GALNT17: variants seen among roughly 807,000 people sequenced by gnomAD.
GALNT17 encodes polypeptide N-acetylgalactosaminyltransferase 17, also known as UDP-GalNAc:polypeptide N-acetylgalactosaminyltransferase-like 3.
A neutral mutation model predicts 63.7 loss-of-function variants in GALNT17; 29 were observed. The ratio of observed to expected loss-of-function variants is 0.46; its 90% confidence interval spans 0.34 to 0.62. GALNT17 has a LOEUF of 0.62. Among genes scored for constraint, GALNT17 ranks in the 20% least tolerant of loss-of-function variants. GALNT17 has a pLI of 0.01. For synonymous variants in GALNT17, 305 were observed against 318.3 expected (o/e 0.96, Z 0.45); for missense variants, 603 against 799.6 (o/e 0.75, Z 2.97).
At chr7:71,610,697 C>A (rs1369830846) in intron 6 of GALNT17, among the ~76,000 whole-genome samples, 2 of 151,984 alleles carry the variant, frequency 1.3e-5, no homozygotes, top group South Asian at 2.1e-4. Flanking sequence ...CAGGAATATT[C>A]AATCTCCATC....
chr7:71,258,531 C>T (rs560003319), intron 1 of GALNT17, among the ~76,000 whole-genome samples: 1 of 152,286 alleles, frequency 6.6e-6, no homozygotes, highest in South Asian at 2.1e-4. Context: ...TGTGTCCATC[C>T]CCAAGAAGTT....
chr7:71,339,350 CTTGT>C (rs1163168428), intron 2 of GALNT17, among the ~76,000 whole-genome samples: 4 of 152,120 alleles, frequency 2.6e-5, no homozygotes, highest in African/African-American at 9.7e-5. Context: ...GAGAAAGTTT[CTTGT>C]TTGAGATAAT....
Position 71,380,037 on chromosome 7 carries a change from C to G in GALNT17, c.423-8198C>G, listed in dbSNP as rs956965449. Among the ~76,000 whole-genome samples the G allele has an allele frequency of 2.0e-5, 3 of 151,936 alleles. No homozygotes were observed. In the South Asian group the frequency reaches 6.2e-4, roughly 32 times the overall value. On this transcript the variant is annotated intron_variant, in intron 2 of 10. Transcript: ENST00000333538. Reference sequence around the variant, plus strand: ...GGAGGAATATTGAGTGTCCAGGATCCGAGAGGAAATAGCGATTATACAAGG... The same window carrying G: ...GGAGGAATATTGAGTGTCCAGGATCGGAGAGGAAATAGCGATTATACAAGG...
intron 1 of GALNT17, among the ~76,000 whole-genome samples, chr7:71,250,091 C>A (rs973107684): frequency 2.6e-5 from 4 of 152,154 alleles, no homozygotes; most frequent in Non-Finnish European, 5.9e-5. Flanking sequence ...AGAAACATTT[C>A]CAAACATCCA....
intron 5 of GALNT17, among the ~76,000 whole-genome samples, chr7:71,453,769 A>G (rs1223437869): frequency 6.6e-6 from 1 of 152,174 alleles, no homozygotes; most frequent in African/African-American, 2.4e-5. Flanking sequence ...GCTGTCCCAG[A>G]CTTCCGCTCT....
intron 4 of GALNT17, among the ~76,000 whole-genome samples, chr7:71,418,239 G>A (rs73363730): frequency 0.045 from 6,900 of 152,212 alleles, 561 homozygotes; most frequent in African/African-American, 0.16. Context: ...TCTCACTGAT[G>A]TCTGTGACTT....
Position 71,352,328 on chromosome 7 carries a change from C to G in GALNT17, c.422+16595C>G, listed in dbSNP as rs73181670. On this transcript the variant is annotated intron_variant, in intron 2 of 10. Transcript: ENST00000333538. ...AACCTCTTTTACTTTATAAATTACT[C>G]AGACTCAGGTATGTCTTTATCAGCA... Among the ~76,000 whole-genome samples the G allele has an allele frequency of 4.2e-3, 640 of 152,272 alleles. 2 individuals are homozygous for G. Among genetic ancestry groups the G allele is most frequent in the Non-Finnish European group, 6.1e-3 (415 of 68,034 alleles).
intron 2 of GALNT17, among the ~76,000 whole-genome samples, chr7:71,357,020 A>G (rs1792299326): frequency 6.6e-6 from 1 of 152,114 alleles, no homozygotes; most frequent in African/African-American, 2.4e-5. Flanking sequence ...GACCGACCTC[A>G]GGTGATCCAC....
chr7:71,598,718 A>C (rs748837007), intron 6 of GALNT17, among the ~76,000 whole-genome samples: 2 of 152,210 alleles, frequency 1.3e-5, no homozygotes, highest in Non-Finnish European at 2.9e-5. Context: ...TTGAGCGTCT[A>C]CTAGGTGCTG....
chr7:71,440,303 T>A (rs1294573751), intron 5 of GALNT17, among the ~76,000 whole-genome samples: 4 of 152,044 alleles, frequency 2.6e-5, no homozygotes, highest in Non-Finnish European at 5.9e-5. Flanking sequence ...GAAAATAACC[T>A]TTCTTCCTTG....
chr7:71,597,545 A>AATAAG (rs1789905709), intron 6 of GALNT17, among the ~76,000 whole-genome samples: 2 of 151,630 alleles, frequency 1.3e-5, no homozygotes, highest in African/African-American at 2.4e-5. Context: ...TAAGTAAATA[A>AATAAG]TAAACAAACA....
intron 5 of GALNT17, among the ~76,000 whole-genome samples, chr7:71,448,677 A>C (rs1351760495): frequency 6.6e-6 from 1 of 152,156 alleles, no homozygotes; most frequent in Admixed American, 6.6e-5. Context: ...CTTGAAAACA[A>C]AAGGCATGTA....
At chr7:71,564,278 C>CTTTTTTTTTTTTTTTTTTTTTTTT (rs10539122) in intron 5 of GALNT17, among the ~76,000 whole-genome samples, 18 of 98,014 alleles carry the variant, frequency 1.8e-4, no homozygotes, top group East Asian at 3.4e-4. Flanking sequence ...CTTTTCTTTT[C>CTTTTTTTTTTTTTTTTTTTTTTTT]TTTTTTTTTT....
chr7:71,580,512 G>C (rs148817158), intron 6 of GALNT17, among the ~76,000 whole-genome samples: 1 of 152,096 alleles, frequency 6.6e-6, no homozygotes, highest in Non-Finnish European at 1.5e-5. Flanking sequence ...GAAGTAAGAG[G>C]ATTAGACTTT....
At chr7:71,650,888 G>C (rs141721582) in intron 6 of GALNT17, among the ~76,000 whole-genome samples, 88 of 152,252 alleles carry the variant, frequency 5.8e-4, no homozygotes, top group African/African-American at 2.0e-3. Context: ...AAGGCTATGA[G>C]CCTGGCAGTG....
chr7:71,692,742 T>G (rs1256604007), intron 9 of GALNT17, among the ~76,000 whole-genome samples: 1 of 151,418 alleles, frequency 6.6e-6, no homozygotes, highest in African/African-American at 2.4e-5. Flanking sequence ...ATTCTATTTT[T>G]TTTTTTTTAT....
chr7:71,691,322 C>T (rs1791440057), intron 9 of GALNT17, among the ~76,000 whole-genome samples: 1 of 152,128 alleles, frequency 6.6e-6, no homozygotes, highest in Non-Finnish European at 1.5e-5. Flanking sequence ...TTAAGCTATG[C>T]ACATTTTTAA....
chr7:71,704,632 A>G (rs550051468), intron 9 of GALNT17, among the ~76,000 whole-genome samples: 16 of 152,310 alleles, frequency 1.1e-4, no homozygotes, highest in African/African-American at 3.8e-4. Flanking sequence ...CTACAAAGCT[A>G]TAATAATCAA....
chr7:71,182,900 G>T (rs1192225918), intron 1 of GALNT17, among the ~76,000 whole-genome samples: 1 of 152,196 alleles, frequency 6.6e-6, no homozygotes, highest in Non-Finnish European at 1.5e-5. Context: ...CAAAAGAAAA[G>T]AATCTTTCTC....
Sources: allele counts gnomAD v4.1 joint callset (sites outside exome capture counted in the v4.1 genomes callset), GRCh38; gene constraint gnomAD v4.1.1; transcripts MANE v1.5; gene names NCBI Gene and HGNC (gene_info 2026-07-23, HGNC 2026-07-21).